CNOT10: variants seen among roughly 807,000 people sequenced by gnomAD.
CNOT10 encodes CCR4-NOT transcription complex subunit 10.
In CNOT10, 30 loss-of-function variants were observed where a neutral mutation model predicts 94.6. The ratio of observed to expected loss-of-function variants is 0.32; its 90% CI spans 0.24 to 0.43. The LOEUF (loss-of-function observed/expected upper bound fraction) is 0.43, where lower values mean the gene tolerates loss of function less well. Ranked by LOEUF, CNOT10 falls within the 20% of genes least tolerant of loss-of-function variation. CNOT10 has a pLI of 1.00. For synonymous variants in CNOT10, 289 were observed against 301.6 expected (o/e 0.96, Z 0.43); for missense variants, 759 against 877.2 (o/e 0.87, Z 1.70).
chr3:32,716,787 T>C (rs1477178978), intron 6 of CNOT10, among the ~76,000 whole-genome samples: 1 of 152,170 alleles, frequency 6.6e-6, no homozygotes, highest in Non-Finnish European at 1.5e-5. Flanking sequence ...TAGCTGGGAT[T>C]ACTAGTGCGC....
intron 1 of CNOT10, chr3:32,695,466 A>T: frequency 9.4e-7 from 1 of 1,061,920 alleles, no homozygotes; most frequent in Non-Finnish European, 1.3e-6. Context: ...CTGTATTTTG[A>T]TGAGTGTAGC....
At position 32,734,829 on chromosome 3, in the gene CNOT10, C is replaced by T. The variant is rs1699107611; in HGVS notation, c.1367C>T (p.Ala456Val). The change falls in exon 12 of 19, where the codon GCC (alanine) becomes GTC (valine). Residue 456 changes from alanine to valine, a missense_variant. Physicochemically the swap from Ala to Val is moderately conservative, Grantham distance 64. Coordinates refer to ENST00000328834, the MANE Select transcript of CNOT10 (RefSeq NM_015442.3). Reference sequence around the variant, plus strand: ...GGGCAGTCTTCGGCCATTCCTGTAGCCAGTATGGAGTTTGCAGCCATATGT... The same window carrying T: ...GGGCAGTCTTCGGCCATTCCTGTAGTCAGTATGGAGTTTGCAGCCATATGT... ...NDGQSSAIPV[A>V]SMEFAAICLR... 2 of 1,612,986 alleles carry T rather than the reference C, an allele frequency of 1.2e-6. No individual in the cohort carries two copies. Among genetic ancestry groups the T allele is most frequent in the Non-Finnish European group, 1.7e-6 (2 of 1,179,290 alleles).
chr3:32,740,417 C>A (rs1334495823), intron 13 of CNOT10, among the ~76,000 whole-genome samples: 2 of 152,012 alleles, frequency 1.3e-5, no homozygotes, highest in East Asian at 1.9e-4. Flanking sequence ...GAGCCAAGAT[C>A]GTGCTATTGC....
intron 1 of CNOT10, chr3:32,695,636 T>C (rs1697013045): frequency 6.5e-7 from 1 of 1,535,858 alleles, no homozygotes. Flanking sequence ...ATGAAGTCTA[T>C]TGGTGTAAAG....
chr3:32,733,381 A>G (rs372808882), intron 10 of CNOT10, 42 bp from the exon 11 acceptor site: 3 of 1,446,864 alleles, frequency 2.1e-6, no homozygotes, highest in African/African-American at 2.9e-5. Flanking sequence ...ACCACATCTT[A>G]CAATTCCCTT....
chr3:32,698,960 A>AT (rs1697206982), intron 1 of CNOT10, among the ~76,000 whole-genome samples: 2 of 151,864 alleles, frequency 1.3e-5, no homozygotes, highest in South Asian at 4.2e-4. Context: ...TAATTTTTGT[A>AT]TTTTTTGTAG....
intron 10 of CNOT10, 68 bp from the exon 11 acceptor site, chr3:32,733,355 T>G (rs1030817064): frequency 3.3e-6 from 4 of 1,207,590 alleles, no homozygotes; most frequent in Non-Finnish European, 3.5e-6. Context: ...GTGAGAGATA[T>G]TCCCTCATTT....
At chr3:32,755,757 CTT>C (rs66705516) in intron 13 of CNOT10, among the ~76,000 whole-genome samples, 49 of 141,256 alleles carry the variant, frequency 3.5e-4, no homozygotes, top group South Asian at 2.2e-3. Flanking sequence ...TTTTCCTTTC[CTT>C]TTTTTTTTTT....
chr3:32,738,465 CTTTT>C (rs367907658), intron 13 of CNOT10, among the ~76,000 whole-genome samples: 1 of 141,766 alleles, frequency 7.1e-6, no homozygotes. Context: ...TTTTATATTT[CTTTT>C]TTTTTTTTTT....
intron 17 of CNOT10, among the ~76,000 whole-genome samples, chr3:32,768,856 C>T (rs546726613): frequency 2.6e-5 from 4 of 152,316 alleles, no homozygotes; most frequent in Non-Finnish European, 4.4e-5. Context: ...ACATCTCCCA[C>T]GTTCAAGCTG....
At chr3:32,690,928 A>G in intron 1 of CNOT10, among the ~76,000 whole-genome samples, 1 of 151,650 alleles carries the variant, frequency 6.6e-6, no homozygotes, top group East Asian at 1.9e-4. Flanking sequence ...ATATCTATAT[A>G]TCTACCCCCT....
chr3:32,733,148 A>C (rs1050005436), intron 10 of CNOT10, among the ~76,000 whole-genome samples: 2 of 152,162 alleles, frequency 1.3e-5, no homozygotes, highest in Non-Finnish European at 2.9e-5. Flanking sequence ...TAAGTAAATG[A>C]TTCTAAATAA....
At chr3:32,752,180 C>T (rs1372545279) in intron 13 of CNOT10, among the ~76,000 whole-genome samples, 1 of 151,812 alleles carries the variant, frequency 6.6e-6, no homozygotes, top group Non-Finnish European at 1.5e-5. Context: ...CCCAGCTAGT[C>T]AAGAAGGCTG....
chr3:32,735,843 G>A (rs1235090745), intron 12 of CNOT10, among the ~76,000 whole-genome samples: 1 of 151,998 alleles, frequency 6.6e-6, no homozygotes, highest in East Asian at 1.9e-4. Flanking sequence ...TGGTTTTCTA[G>A]TATAAATTCA....
Position 32,698,886 on chromosome 3 carries a change from A to G in CNOT10, c.23-4982A>G, listed in dbSNP as rs565556396. On this transcript the variant is annotated intron_variant, in intron 1 of 18. Coordinates refer to ENST00000328834, the MANE Select transcript of CNOT10 (RefSeq NM_015442.3). ...CTGCACACTCCACCTCCTGTGTTCA[A>G]GCAATCCTCCCACCTTCGCCTCGCT... Among the ~76,000 whole-genome samples, 8 of 152,288 alleles carry G rather than the reference A, an allele frequency of 5.3e-5. No individual in the cohort carries two copies. In the South Asian group the frequency reaches 1.0e-3, roughly 20 times the overall value.
chr3:32,755,587 A>T (rs78475326), intron 13 of CNOT10, among the ~76,000 whole-genome samples: 4,434 of 151,908 alleles, frequency 0.029, 80 homozygotes, highest in African/African-American at 0.053. Flanking sequence ...GACTGACTGG[A>T]TTTATCCTCA....
intron 1 of CNOT10, among the ~76,000 whole-genome samples, chr3:32,701,749 A>G (rs186316320): frequency 3.3e-4 from 51 of 152,296 alleles, no homozygotes; most frequent in African/African-American, 1.1e-3. Context: ...CCATAAGCCA[A>G]TTAAACCTCA....
chr3:32,770,315 AGATT>A lies in CNOT10; in HGVS notation c.2080+354_2080+357del, dbSNP rs1233213124. ...AAGCCACCATGCTCAGCCAAGGCTG[AGATT>A]TTTTTTTTTTTTTTTTTTTTTTTTG... On this transcript the variant is annotated intron_variant, in intron 18 of 18. Transcript: ENST00000328834. Among the ~76,000 whole-genome samples the A allele has an allele frequency of 3.5e-3, 413 of 116,794 alleles. 2 individuals carry two copies. Among genetic ancestry groups the A allele is most frequent in the African/African-American group, 0.013 (393 of 31,430 alleles). The allele number at this position is 116,794 out of a possible 152,430, so 76.6% of individuals were successfully genotyped here.
At chr3:32,707,251 A>G (rs1697663870) in intron 3 of CNOT10, among the ~76,000 whole-genome samples, 2 of 151,746 alleles carry the variant, frequency 1.3e-5, no homozygotes, top group East Asian at 3.9e-4. Flanking sequence ...GGGGGTATAC[A>G]GTTTGAGAAT....
Sources: gnomAD v4.1 joint callset for allele counts (sites outside exome capture counted in the v4.1 genomes callset) on GRCh38, gnomAD v4.1.1 for gene constraint, MANE v1.5 for transcripts, NCBI Gene and HGNC (gene_info 2026-07-23, HGNC 2026-07-21) for gene names.